Variants in PCDHA2 observed in about 807,000 individuals in gnomAD.
PCDHA2 encodes protocadherin alpha 2.
A neutral mutation model predicts 66.0 loss-of-function variants in PCDHA2; 58 were observed. The ratio of observed to expected loss-of-function variants is 0.88; its 90% CI spans 0.71 to 1.09. The LOEUF is 1.09. PCDHA2 is among the 50% of genes least tolerant of loss of function. The pLI, the probability that PCDHA2 is intolerant of heterozygous loss-of-function variation, is 0.00. For synonymous variants in PCDHA2, 634 were observed against 554.0 expected (o/e 1.14, Z -2.03); for missense variants, 1,267 against 1,242.3 (o/e 1.02, Z -0.30).
intron 1 of PCDHA2, among the ~76,000 whole-genome samples, chr5:140,855,631 C>T (rs1193422916): frequency 1.3e-5 from 2 of 149,640 alleles, no homozygotes; most frequent in African/African-American, 4.9e-5. Flanking sequence ...TGAAATTCGG[C>T]TATTGATAAT....
At chr5:140,854,198 C>T (rs1554147125) in intron 1 of PCDHA2, 1 of 547,806 alleles carries the variant, frequency 1.8e-6, no homozygotes, top group East Asian at 1.4e-4. Flanking sequence ...CTACTCCCTA[C>T]TTTTTATTCA....
At chr5:140,902,203 C>CTTTTTTTTT (rs148688132) in intron 1 of PCDHA2, among the ~76,000 whole-genome samples, 1 of 124,460 alleles carries the variant, frequency 8.0e-6, no homozygotes. Flanking sequence ...CTCTCTCTTT[C>CTTTTTTTTT]TTTTTTTTTT....
intron 1 of PCDHA2, among the ~76,000 whole-genome samples, chr5:140,899,014 T>C (rs2067098044): frequency 6.6e-6 from 1 of 151,934 alleles, no homozygotes. Context: ...TGTATAAGAA[T>C]GCTTGTGATT....
Position 140,824,163 on chromosome 5 carries a change from C to T in PCDHA2, c.2388+26811C>T. 3.1e-6 allele frequency: 5 copies of T among 1,610,816 alleles called. 1 individual carries two copies. The Middle Eastern group carries it at 5.0e-4, about 160-fold the overall frequency. ...TAATATTAACATCCATCTTTCCCTC[C>T]CAATTTTCAAATATTAAATGTCACA... On this transcript the variant is annotated intron_variant, in intron 1 of 3. Transcript: ENST00000526136.
At chr5:140,821,884 G>C in intron 1 of PCDHA2, 33 of 1,614,242 alleles carry the variant, frequency 2.0e-5, no homozygotes, top group Non-Finnish European at 2.7e-5. Flanking sequence ...GATCCCGGAG[G>C]AAGCCAAACA....
chr5:140,798,415 T>C (rs1441786526), intron 1 of PCDHA2, among the ~76,000 whole-genome samples: 4 of 152,214 alleles, frequency 2.6e-5, no homozygotes, highest in South Asian at 2.1e-4. Flanking sequence ...TTGTTTAATT[T>C]GAAAATATTA....
At chr5:140,976,250 A>C (rs1420287471) in intron 1 of PCDHA2, among the ~76,000 whole-genome samples, 1 of 152,144 alleles carries the variant, frequency 6.6e-6, no homozygotes, top group Non-Finnish European at 1.5e-5. Flanking sequence ...ATGTAAATTT[A>C]TTTAAAACAC....
chr5:140,883,457 C>A lies in PCDHA2; in HGVS notation c.2388+86105C>A, dbSNP rs142331981. 13 of 1,614,078 alleles carry A rather than the reference C, an allele frequency of 8.1e-6. No individual in the cohort carries two copies. Among genetic ancestry groups the A allele is most frequent in the Non-Finnish European group, 1.1e-5 (13 of 1,180,050 alleles). On this transcript the variant is annotated intron_variant, in intron 1 of 3. Transcript: ENST00000526136. ...CTTGACGCCGCATGTCCCCTTCAAG[C>A]TGGTGTCCACCTACAAGAACTACTA...
chr5:141,000,421 ATTTTTT>A (rs34755515), intron 3 of PCDHA2, among the ~76,000 whole-genome samples: 34 of 27,962 alleles, frequency 1.2e-3, no homozygotes, highest in East Asian at 9.9e-3. Context: ...ATATATATAT[ATTTTTT>A]TTTTTTTTTT....
chr5:140,927,098 A>G (rs1554204018), intron 1 of PCDHA2: 4 of 1,613,286 alleles, frequency 2.5e-6, no homozygotes, highest in Non-Finnish European at 3.4e-6. Flanking sequence ...TTCGGGGTGG[A>G]TCTACCCAGC....
intron 1 of PCDHA2, chr5:140,863,799 G>T: frequency 4.7e-6 from 1 of 212,460 alleles, no homozygotes; most frequent in Non-Finnish European, 9.6e-6. Context: ...AGGAGTTTGA[G>T]ACCAGCCTGG....
In PCDHA2 at chr5:140,884,360, G is replaced by A. The variant is rs782401694; in HGVS notation, c.2388+87008G>A. On this transcript the variant is annotated intron_variant, in intron 1 of 3. Coordinates refer to ENST00000526136, the MANE Select transcript of PCDHA2 (RefSeq NM_018905.3). ...AGAAGCGGCGCTGGTGGATGTCAAT[G>A]TTTACTTGATCATTGCCATCTGCGC... The A allele has an allele frequency of 3.1e-6, 5 of 1,613,852 alleles. No individual in the cohort carries two copies. The African/African-American group carries it at 4.0e-5, about 13-fold the overall frequency.
At chr5:140,882,488 C>T in intron 1 of PCDHA2, 6 of 1,614,074 alleles carry the variant, frequency 3.7e-6, no homozygotes, top group South Asian at 1.1e-5. Context: ...ACACGGGGAC[C>T]TTCTGGAGGT....
intron 1 of PCDHA2, among the ~76,000 whole-genome samples, chr5:140,937,820 G>T (rs554138611): frequency 2.6e-5 from 4 of 151,792 alleles, no homozygotes; most frequent in African/African-American, 9.7e-5. Flanking sequence ...GCTGAGGCAG[G>T]AGAATGGCAT....
chr5:140,955,846 T>G (rs1256650141), intron 1 of PCDHA2, among the ~76,000 whole-genome samples: 1 of 152,218 alleles, frequency 6.6e-6, no homozygotes, highest in African/African-American at 2.4e-5. Context: ...GTCATTCTCC[T>G]TGAAGAGGTC....
chr5:140,903,346 A>G (rs76789733), intron 1 of PCDHA2, among the ~76,000 whole-genome samples: 12,326 of 152,302 alleles, frequency 0.081, 540 homozygotes, highest in Middle Eastern at 0.13. Context: ...TGCATTTTAA[A>G]AAACAAGTTT....
At chr5:140,851,891 A>T (rs1554145590) in intron 1 of PCDHA2, 4 of 976,308 alleles carry the variant, frequency 4.1e-6, no homozygotes, top group East Asian at 1.1e-4. Flanking sequence ...TGGATATGAG[A>T]TTTGCCTCTT....
intron 1 of PCDHA2, among the ~76,000 whole-genome samples, chr5:140,915,256 T>C (rs782716023): frequency 1.3e-5 from 2 of 152,162 alleles, no homozygotes; most frequent in Non-Finnish European, 2.9e-5. Flanking sequence ...CAGGTTGTTA[T>C]TATTTTTGAC....
chr5:140,883,080 A>G, intron 1 of PCDHA2: 1 of 1,614,140 alleles, frequency 6.2e-7, no homozygotes, highest in Non-Finnish European at 8.5e-7. Flanking sequence ...GATCCTGATG[A>G]TGGTACAAAT....
Sources: allele counts gnomAD v4.1 joint callset (sites outside exome capture counted in the v4.1 genomes callset), GRCh38; gene constraint gnomAD v4.1.1; transcripts MANE v1.5; gene names NCBI Gene and HGNC (gene_info 2026-07-23, HGNC 2026-07-21).